RNF157: variants seen among roughly 807,000 people sequenced by gnomAD.
The protein encoded by RNF157 is E3 ubiquitin ligase RNF157.
Under a neutral mutation model 88.3 loss-of-function variants are expected in RNF157, and 55 were observed. That is an observed-to-expected ratio of 0.62 (90% CI 0.50 to 0.78). The LOEUF (loss-of-function observed/expected upper bound fraction) is 0.78, where lower values mean the gene tolerates loss of function less well. Among genes scored for constraint, RNF157 ranks in the 30% least tolerant of loss-of-function variants. The probability of loss-of-function intolerance (pLI) is 0.00; values close to 1 mark genes in which losing one functional copy is unlikely to be tolerated. For synonymous variants in RNF157, 334 were observed against 341.2 expected, an observed-to-expected ratio of 0.98 and a Z score of 0.23; for missense variants, 788 against 860.8, an observed-to-expected ratio of 0.92 and a Z score of 1.06.
At chr17:76,226,358 T>C in intron 1 of RNF157, 1 of 1,596,004 alleles carries the variant, frequency 6.3e-7, no homozygotes, top group Non-Finnish European at 8.6e-7. Context: ...CTGGTCGGGT[T>C]TTGTTAAACT....
In RNF157 at chr17:76,145,254, C is replaced by A; in HGVS notation, c.2021G>T (p.Trp674Leu). Residue 674 changes from tryptophan to leucine, a missense_variant, in exon 19 of 19, where the codon TGG (tryptophan) becomes TTG (leucine). By Grantham distance (61) the Trp-to-Leu change is moderately conservative. Transcript: ENST00000269391. ...LEDSETRPCV[W>L]GPLAV Reference sequence around the variant, plus strand: ...TGGGGCTCAGACAGCCAAAGGGCCCCACACACAGGGCCTCGTCTCAGAGTC... The same window carrying A: ...TGGGGCTCAGACAGCCAAAGGGCCCAACACACAGGGCCTCGTCTCAGAGTC... The A allele has an allele frequency of 6.2e-7, 1 of 1,605,974 alleles. No homozygotes were observed.
In RNF157 at chr17:76,173,687, C is replaced by A. The variant is rs1250881579; in HGVS notation, c.296+15G>T. On this transcript the variant is annotated intron_variant, in intron 3 of 18. Coordinates refer to ENST00000269391, the MANE Select transcript of RNF157 (RefSeq NM_052916.3). ...GAAGGTGCCTGGGACCTGGCCCCAG[C>A]CTCTGGGAACTTACTTGACGAGCCT... 5.7e-6 allele frequency: 9 copies of A among 1,589,794 alleles called. 1 individual carries two copies. The Admixed American group carries it at 1.4e-4, about 24-fold the overall frequency.
intron 2 of RNF157, among the ~76,000 whole-genome samples, chr17:76,187,630 G>A (rs568991010): frequency 1.9e-4 from 29 of 151,966 alleles, no homozygotes; most frequent in Middle Eastern, 3.4e-3. Context: ...TTCTCACTCT[G>A]TCGCCCAGGC....
intron 2 of RNF157, among the ~76,000 whole-genome samples, chr17:76,194,238 C>A (rs1055731344): frequency 6.6e-6 from 1 of 152,196 alleles, no homozygotes; most frequent in Admixed American, 6.5e-5. Context: ...CCTCCATGCA[C>A]CCCAGTCCCT....
intron 2 of RNF157, among the ~76,000 whole-genome samples, chr17:76,183,337 A>C (rs577284973): frequency 2.0e-5 from 3 of 152,302 alleles, no homozygotes; most frequent in African/African-American, 7.2e-5. Flanking sequence ...GTATTTTAAT[A>C]AACATTCCAA....
At chr17:76,219,965 A>G (rs996479112) in intron 1 of RNF157, among the ~76,000 whole-genome samples, 10 of 152,228 alleles carry the variant, frequency 6.6e-5, no homozygotes, top group African/African-American at 2.4e-4. Flanking sequence ...AACAAAAACC[A>G]TATAGTCCTG....
chr17:76,179,849 C>G (rs1488183468), intron 2 of RNF157, among the ~76,000 whole-genome samples: 1 of 152,212 alleles, frequency 6.6e-6, no homozygotes, highest in African/African-American at 2.4e-5. Flanking sequence ...CTGAAGTACT[C>G]ATGCACCAGT....
chr17:76,155,836 G>A (rs751041051), intron 14 of RNF157, 102 bp from the exon 15 acceptor site: 305 of 1,060,316 alleles, frequency 2.9e-4, no homozygotes, highest in Non-Finnish European at 3.8e-4. Flanking sequence ...GCATTGAGGA[G>A]TGAAGTGGCC....
At chr17:76,205,509 G>A (rs1008623531) in intron 2 of RNF157, among the ~76,000 whole-genome samples, 10 of 151,974 alleles carry the variant, frequency 6.6e-5, no homozygotes, top group African/African-American at 2.2e-4. Context: ...GGTAGATCAC[G>A]AGGTCAAGAT....
chr17:76,161,890 G>A lies in RNF157; in HGVS notation c.905C>T (p.Ala302Val). The A allele has an allele frequency of 6.2e-7, 1 of 1,614,238 alleles. No homozygotes were observed. Among genetic ancestry groups the A allele is most frequent in the Non-Finnish European group, 8.5e-7 (1 of 1,180,050 alleles). Residue 302 changes from alanine (A) to valine (V), a missense_variant, in exon 10 of 19, where the codon GCA becomes GTA. By Grantham distance (64) the Ala-to-Val change is moderately conservative. Coordinates refer to ENST00000269391, the MANE Select transcript of RNF157 (RefSeq NM_052916.3). The surrounding 1 kb of genome is among the most constrained non-coding windows in gnomAD (Gnocchi z 4.6). Reference protein sequence around the residue: ...CRHLCLCNTCADTLRYQANNC... With the variant: ...CRHLCLCNTCVDTLRYQANNC... ...GTTGGCCTGGTAGCGCAGCGTGTCTGCACAGGTGTTACAGAGGCAGAGGTG... is the reference window on the plus strand; with the variant it reads ...GTTGGCCTGGTAGCGCAGCGTGTCTACACAGGTGTTACAGAGGCAGAGGTG...
At chr17:76,230,141 G>A (rs1323188357) in intron 1 of RNF157, among the ~76,000 whole-genome samples, 1 of 152,148 alleles carries the variant, frequency 6.6e-6, no homozygotes, top group East Asian at 1.9e-4. Context: ...TGGATCATGG[G>A]AGTCAAAATG....
At position 76,176,417 on chromosome 17, in the gene RNF157, TAA is replaced by T. The variant is rs899322869; in HGVS notation, c.208-2629_208-2628del. Among the ~76,000 whole-genome samples, 1 of 152,096 alleles carries T rather than the reference TAA, an allele frequency of 6.6e-6. No homozygotes were observed. The highest frequency in any genetic ancestry group is 1.5e-5 in the Non-Finnish European group (1 of 67,990). ...GGGGACAGTAGGATCAGAGGCAAAT[TAA>T]AAAAAATTTTTTTTCTGCTCTTAGA... On this transcript the variant is annotated intron_variant, in intron 2 of 18. Coordinates refer to ENST00000269391, the MANE Select transcript of RNF157 (RefSeq NM_052916.3). The surrounding 1 kb of genome is among the most constrained non-coding windows in gnomAD (Gnocchi z 4.2).
At chr17:76,212,142 G>A (rs1449633635) in intron 2 of RNF157, 3 of 453,980 alleles carry the variant, frequency 6.6e-6, no homozygotes, top group Non-Finnish European at 1.2e-5. Context: ...CTTAATTTGT[G>A]AGACTCATCC....
intron 2 of RNF157, among the ~76,000 whole-genome samples, chr17:76,208,276 A>C (rs12453112): frequency 3.3e-5 from 5 of 152,102 alleles, no homozygotes; most frequent in Non-Finnish European, 7.4e-5. Flanking sequence ...GATCTACACA[A>C]TGGACTCACA....
intron 9 of RNF157, chr17:76,162,222 G>A (rs937248222): frequency 2.9e-5 from 17 of 591,910 alleles, no homozygotes; most frequent in East Asian, 1.4e-4. Context: ...CTAACCACTC[G>A]AGCTCCTCCT....
intron 1 of RNF157, among the ~76,000 whole-genome samples, chr17:76,220,619 G>A (rs546313843): frequency 6.6e-6 from 1 of 152,070 alleles, no homozygotes; most frequent in South Asian, 2.1e-4. Flanking sequence ...GACCAGCCGA[G>A]GCAACATGGC....
In RNF157 at chr17:76,224,728, AAAAG is replaced by A. The variant is rs201729868; in HGVS notation, c.89-12250_89-12247del. Among the ~76,000 whole-genome samples, 1,372 of 151,960 alleles carry A rather than the reference AAAAG, an allele frequency of 9.0e-3. 20 individuals carry two copies. Among genetic ancestry groups the A allele is most frequent in the African/African-American group, 0.031 (1,285 of 41,470 alleles). ...GATAGCTGATAAGCTTTAAAAAAAA[AAAAG>A]AAAGAAACTGCAAAAAAACTCATAA... On this transcript the variant is annotated intron_variant, in intron 1 of 18. Transcript: ENST00000269391.
chr17:76,166,980 G>T, intron 5 of RNF157, 29 bp downstream of exon 5: 1 of 1,528,268 alleles, frequency 6.5e-7, no homozygotes, highest in Non-Finnish European at 8.9e-7. Flanking sequence ...CTGAGTGGAT[G>T]TGGGAAACCC....
At position 76,160,085 on chromosome 17, in the gene RNF157, G is replaced by A. The variant is rs2068825568; in HGVS notation, c.1066-512C>T. Among the ~76,000 whole-genome samples, 1 of 152,174 alleles carries A rather than the reference G, an allele frequency of 6.6e-6. No homozygotes were observed. The highest frequency in any genetic ancestry group is 1.5e-5 in the Non-Finnish European group (1 of 68,034). ...TCCTCCCACCATGGCCTCCCAAAGT[G>A]CTAGGATTACAGATGTAAGCCACCA... On this transcript the variant is annotated intron_variant, in intron 11 of 18. Transcript: ENST00000269391. The surrounding 1 kb of genome is among the most constrained non-coding windows in gnomAD (Gnocchi z 4.3).
Sources: gnomAD v4.1 joint callset for allele counts (sites outside exome capture counted in the v4.1 genomes callset) on GRCh38, gnomAD v4.1.1 for gene constraint, Gnocchi (gnomAD v3.1) non-coding constraint, MANE v1.5 for transcripts, NCBI Gene and HGNC (gene_info 2026-07-23, HGNC 2026-07-21) for gene names.